The following NAT2 variants were observed in gnomAD, a reference collection of about 807,000 sequenced individuals.
NAT2 encodes N-acetyltransferase 2, also known as arylamine N-acetyltransferase 2.
For synonymous variants in NAT2, 137 were observed against 125.9 expected (o/e 1.09, Z -0.59); for missense variants, 428 against 339.1 (o/e 1.26, Z -2.06).
upstream of NAT2, among the ~76,000 whole-genome samples, chr8:18,387,946 G>C (rs1364179303): frequency 6.6e-6 from 1 of 152,154 alleles, no homozygotes; most frequent in Non-Finnish European, 1.5e-5. Flanking sequence ...AGAAGGGTTG[G>C]AGTTGAATGT....
At chr8:18,388,846 C>T (rs1275898261), upstream of NAT2, among the ~76,000 whole-genome samples, 1 of 152,208 alleles carries the variant, frequency 6.6e-6, no homozygotes, top group African/African-American at 2.4e-5. Flanking sequence ...AGGAAGTACT[C>T]AGTGACAGCT....
intron 1 of NAT2, among the ~76,000 whole-genome samples, chr8:18,394,023 G>A (rs1398157574): frequency 6.6e-6 from 1 of 152,164 alleles, no homozygotes; most frequent in Non-Finnish European, 1.5e-5. Flanking sequence ...GGGTGCAGGC[G>A]GGCTGAGTCC....
chr8:18,397,536 T>G (rs1378175211), intron 1 of NAT2, among the ~76,000 whole-genome samples: 1 of 152,134 alleles, frequency 6.6e-6, no homozygotes, highest in African/African-American at 2.4e-5. Context: ...TATAATCAAA[T>G]TCATAAAAGA....
chr8:18,394,622 C>T (rs1353758534), intron 1 of NAT2, among the ~76,000 whole-genome samples: 2 of 138,966 alleles, frequency 1.4e-5, no homozygotes, highest in Middle Eastern at 3.6e-3. Flanking sequence ...GTTCCTGGGC[C>T]TGTCAGAATG....
chr8:18,400,282 T>G lies in NAT2; in HGVS notation c.279T>G (p.Phe93Leu), dbSNP rs767856932. Residue 93 changes from phenylalanine to leucine, a missense_variant, in exon 2 of 2, where the codon TTT becomes TTG. Transcript: ENST00000286479. ...GFQTTMLGGY[F>L]YIPPVNKYST... ...AGACCACAATGTTAGGAGGGTATTT[T>G]TACATCCCTCCAGTTAACAAATACA... 1 of 1,613,576 alleles carries G rather than the reference T, an allele frequency of 6.2e-7. No individual in the cohort carries two copies. Among genetic ancestry groups the G allele is most frequent in the Non-Finnish European group, 8.5e-7 (1 of 1,179,794 alleles).
chr8:18,399,068 G>T (rs1800744968), intron 1 of NAT2, among the ~76,000 whole-genome samples: 1 of 152,118 alleles, frequency 6.6e-6, no homozygotes, highest in African/African-American at 2.4e-5. Flanking sequence ...ACTGTTAGTT[G>T]TCAGATATCA....
At position 18,400,442 on chromosome 8, in the gene NAT2, C is replaced by G; in HGVS notation, c.439C>G (p.Pro147Ala). The G allele has an allele frequency of 1.9e-6, 3 of 1,613,610 alleles. No individual in the cohort carries two copies. Among genetic ancestry groups the G allele is most frequent in the Non-Finnish European group, 2.5e-6 (3 of 1,179,870 alleles). Residue 147 changes from proline to alanine, a missense_variant, in exon 2 of 2, where the codon CCT becomes GCT. Coordinates refer to ENST00000286479, the MANE Select transcript of NAT2 (RefSeq NM_000015.3). ...LISGKDQPQV[P>A]CIFCLTEERG... Reference sequence around the variant, plus strand: ...TTCTGGGAAGGATCAGCCTCAGGTGCCTTGCATTTTCTGCTTGACAGAAGA... The same window carrying G: ...TTCTGGGAAGGATCAGCCTCAGGTGGCTTGCATTTTCTGCTTGACAGAAGA...
intron 1 of NAT2, among the ~76,000 whole-genome samples, chr8:18,399,456 G>A (rs1800749641): frequency 6.6e-6 from 1 of 152,192 alleles, no homozygotes; most frequent in Middle Eastern, 3.4e-3. Flanking sequence ...AGAACAATAG[G>A]AAACACATCA....
upstream of NAT2, among the ~76,000 whole-genome samples, chr8:18,390,032 C>T (rs940567011): frequency 2.0e-5 from 3 of 152,226 alleles, no homozygotes; most frequent in African/African-American, 7.2e-5. Context: ...CAGTAGACAA[C>T]ACCAGGAGGC....
chr8:18,394,025 G>A (rs1400636647), intron 1 of NAT2, among the ~76,000 whole-genome samples: 1 of 152,202 alleles, frequency 6.6e-6, no homozygotes, highest in Admixed American at 6.5e-5. Context: ...GTGCAGGCGG[G>A]CTGAGTCCTA....
At chr8:18,389,439 CA>C (rs1164434526), upstream of NAT2, among the ~76,000 whole-genome samples, 1 of 152,168 alleles carries the variant, frequency 6.6e-6, no homozygotes, top group East Asian at 1.9e-4. Context: ...ATTTAATTCA[CA>C]AATGGAAATG....
At chr8:18,397,047 T>C (rs1171575947) in intron 1 of NAT2, among the ~76,000 whole-genome samples, 1 of 152,110 alleles carries the variant, frequency 6.6e-6, no homozygotes, top group African/African-American at 2.4e-5. Context: ...TCCAATTAAG[T>C]AGAGATATGG....
intron 1 of NAT2, among the ~76,000 whole-genome samples, chr8:18,393,598 A>G (rs1359100873): frequency 1.3e-5 from 2 of 152,352 alleles, no homozygotes; most frequent in South Asian, 2.1e-4. Flanking sequence ...AGTTCAAACC[A>G]GGTGTTCCAC....
At chr8:18,398,497 T>C (rs1013515200) in intron 1 of NAT2, among the ~76,000 whole-genome samples, 2 of 152,108 alleles carry the variant, frequency 1.3e-5, no homozygotes, top group African/African-American at 4.8e-5. Flanking sequence ...TTGAGGGATA[T>C]TGGGACTGAG....
At chr8:18,399,838 G>T (rs532948434) in intron 1 of NAT2, among the ~76,000 whole-genome samples, 160 bp from the exon 2 acceptor site, 5 of 152,154 alleles carry the variant, frequency 3.3e-5, no homozygotes, top group African/African-American at 1.2e-4. Context: ...ATGTAAAAGG[G>T]ATTCATGCAG....
chr8:18,387,101 G>GA (rs1800516280), upstream of NAT2: 1 of 152,474 alleles, frequency 6.6e-6, no homozygotes, highest in Non-Finnish European at 1.5e-5. Flanking sequence ...GCCCTCGGGC[G>GA]CCCCCACGAG....
At chr8:18,396,021 A>C (rs1395016419) in intron 1 of NAT2, among the ~76,000 whole-genome samples, 1 of 151,820 alleles carries the variant, frequency 6.6e-6, no homozygotes, top group Non-Finnish European at 1.5e-5. Flanking sequence ...TAATATTAAA[A>C]GAAAATCTTA....
In NAT2 at chr8:18,400,337, G is replaced by A. The variant is rs1383708687; in HGVS notation, c.334G>A (p.Val112Met). 6.8e-6 allele frequency: 11 copies of A among 1,613,448 alleles called. 1 individual carries two copies. In the Middle Eastern group the frequency reaches 4.9e-4, roughly 72 times the overall value. The change falls in exon 2 of 2, where the codon GTG becomes ATG. Residue 112 changes from valine to methionine, a missense_variant. Physicochemically the swap from Val to Met is conservative, Grantham distance 21. Coordinates refer to ENST00000286479, the MANE Select transcript of NAT2 (RefSeq NM_000015.3). ...TGGCATGGTTCACCTTCTCCTGCAG[G>A]TGACCATTGACGGCAGGAATTACAT... ...STGMVHLLLQ[V>M]TIDGRNYIVD...
At chr8:18,399,961 GTATGATATGTTTT>G (rs1263745854) in intron 1 of NAT2, 24 bp from the exon 2 acceptor site, 1 of 1,522,342 alleles carries the variant, frequency 6.6e-7, no homozygotes, top group African/African-American at 1.4e-5. Flanking sequence ...AAATGCTAAA[GTATGATATGTTTT>G]TATGTTTTGT....
Sources: allele counts gnomAD v4.1 joint callset (sites outside exome capture counted in the v4.1 genomes callset), GRCh38; gene constraint gnomAD v4.1.1; transcripts MANE v1.5; gene names NCBI Gene and HGNC (gene_info 2026-07-23, HGNC 2026-07-21).